The following ADGRD2 variants were observed in gnomAD, a reference collection of about 807,000 sequenced individuals.
The protein encoded by ADGRD2 is G protein-coupled receptor PGR24.
A neutral mutation model predicts 44.4 loss-of-function variants in ADGRD2; 71 were observed. That is an observed-to-expected ratio of 1.60 (90% CI 1.32 to 1.95). The LOEUF is 1.95. Ranked by LOEUF, ADGRD2 falls within the 30% of genes most tolerant of loss-of-function variation. The probability of loss-of-function intolerance (pLI) is 0.00; values close to 1 mark genes in which losing one functional copy is unlikely to be tolerated. For missense variants in ADGRD2, 1,039 were observed against 512.4 expected (o/e 2.03, Z -9.92); for synonymous variants, 481 against 224.8 (o/e 2.14, Z -10.19).
intron 17 of ADGRD2, among the ~76,000 whole-genome samples, chr9:124,472,456 GTTT>G (rs796266562): frequency 3.2e-4 from 7 of 21,632 alleles, no homozygotes; most frequent in East Asian, 3.1e-3. Flanking sequence ...TTGTTTGTTT[GTTT>G]TTTGTTTGTT....
intron 18 of ADGRD2, 34 bp from the exon 22 acceptor site, chr9:124,475,537 G>A (rs1298947827): frequency 1.4e-6 from 1 of 715,974 alleles, no homozygotes; most frequent in Non-Finnish European, 2.6e-6. Context: ...GGGGTAGGGA[G>A]GGTCCCCAGC....
chr9:124,469,328 C>G (rs970412284), exon 15 of ADGRD2: 1 of 718,306 alleles, frequency 1.4e-6, no homozygotes, highest in Non-Finnish European at 2.6e-6. Context: ...TCTGGGCCTT[C>G]GTGGGGCCTG....
chr9:124,472,268 T>C (rs1165648439), intron 17 of ADGRD2, among the ~76,000 whole-genome samples: 1 of 152,172 alleles, frequency 6.6e-6, no homozygotes, highest in Admixed American at 6.5e-5. Context: ...GAATCTTCTC[T>C]GGTTCTGTCT....
At chr9:124,458,079 G>T in intron 8 of ADGRD2, 34 bp from the exon 12 acceptor site, 1 of 717,906 alleles carries the variant, frequency 1.4e-6, no homozygotes, top group South Asian at 1.5e-5. Flanking sequence ...CCCAGCCACC[G>T]GGTGGTGCCT....
intron 10 of ADGRD2, among the ~76,000 whole-genome samples, chr9:124,464,054 G>C (rs537547585): frequency 1.1e-4 from 17 of 151,974 alleles, no homozygotes; most frequent in African/African-American, 4.1e-4. Context: ...TGTCTAGGCT[G>C]GTCTCAAACT....
chr9:124,453,777 C>T (rs987285617), intron 3 of ADGRD2, 101 bp downstream of exon 6: 4 of 631,108 alleles, frequency 6.3e-6, no homozygotes, highest in Non-Finnish European at 1.1e-5. Flanking sequence ...ACGCCTAGCT[C>T]TGGCCACGCC....
At chr9:124,468,455 C>T (rs781437961) in intron 13 of ADGRD2, 64 bp from the exon 17 acceptor site, 11 of 714,928 alleles carry the variant, frequency 1.5e-5, no homozygotes, top group African/African-American at 7.0e-5. Context: ...GGGCATGGGC[C>T]GCGGGGCTGG....
chr9:124,460,066 C>T (rs76395664), intron 10 of ADGRD2, among the ~76,000 whole-genome samples: 7,674 of 144,378 alleles, frequency 0.053, 606 homozygotes, highest in African/African-American at 0.18. Flanking sequence ...GTCTTCTTTG[C>T]TCACAACCAG....
At chr9:124,467,638 C>A in intron 11 of ADGRD2, 83 bp from the exon 15 acceptor site, 1 of 698,334 alleles carries the variant, frequency 1.4e-6, no homozygotes, top group Non-Finnish European at 2.7e-6. Flanking sequence ...GCGTGGGGGG[C>A]CTTAGAGTCA....
intron 17 of ADGRD2, among the ~76,000 whole-genome samples, chr9:124,474,034 G>C (rs992864067): frequency 2.6e-5 from 4 of 152,146 alleles, no homozygotes; most frequent in African/African-American, 9.7e-5. Context: ...CCAGCACTTT[G>C]GGAGGCCGAG....
At chr9:124,460,599 G>C (rs1831710377) in intron 10 of ADGRD2, among the ~76,000 whole-genome samples, 1 of 150,934 alleles carries the variant, frequency 6.6e-6, no homozygotes, top group South Asian at 2.1e-4. Flanking sequence ...AGGTCTCATT[G>C]GTGAGAATCA....
At chr9:124,450,758 C>T (rs937381901), upstream of ADGRD2, among the ~76,000 whole-genome samples, 1 of 152,228 alleles carries the variant, frequency 6.6e-6, no homozygotes, top group South Asian at 2.1e-4. Context: ...CCTCCCAGTC[C>T]TCCGGTGAGG....
At chr9:124,458,386 G>A in intron 9 of ADGRD2, 150 bp downstream of exon 12, 3 of 622,032 alleles carry the variant, frequency 4.8e-6, no homozygotes, top group Non-Finnish European at 5.8e-6. Flanking sequence ...TTCTGCACCT[G>A]CCAGAGGTGA....
At chr9:124,462,360 C>T (rs1441801971) in intron 10 of ADGRD2, among the ~76,000 whole-genome samples, 2 of 152,188 alleles carry the variant, frequency 1.3e-5, no homozygotes, top group African/African-American at 4.8e-5. Context: ...CGAGCTACCA[C>T]ACCCAGCCTT....
At position 124,477,762 on chromosome 9, in the gene ADGRD2, C is replaced by A. The variant is rs539197510; in HGVS notation, c.*19-519C>A. ...CAGAATGGGCTGGAGGCGCCCCCCACAGGCCCGCCCAGGCGCCCCCCGGGG... is the reference window on the plus strand; with the variant it reads ...CAGAATGGGCTGGAGGCGCCCCCCAAAGGCCCGCCCAGGCGCCCCCCGGGG... On this transcript the variant is annotated intron_variant, in intron 21 of 21. Coordinates refer to ENST00000334810, the Ensembl canonical transcript of ADGRD2. Among the ~76,000 whole-genome samples, 233 of 152,202 alleles carry A rather than the reference C, an allele frequency of 1.5e-3. 1 individual carries two copies. The highest frequency in any genetic ancestry group is 0.014 in the Middle Eastern group (4 of 292).
chr9:124,468,445 G>T, intron 13 of ADGRD2, 74 bp from the exon 17 acceptor site: 1 of 713,766 alleles, frequency 1.4e-6, no homozygotes. Flanking sequence ...AGGCCGGGCT[G>T]GGCATGGGCC....
exon 14 of ADGRD2, chr9:124,468,562 T>TGAA (rs2131252164): frequency 1.4e-6 from 1 of 718,644 alleles, no homozygotes; most frequent in South Asian, 1.5e-5. Context: ...TTCCTCTTTC[T>TGAA]GGTGGCATTC....
intron 10 of ADGRD2, among the ~76,000 whole-genome samples, chr9:124,459,619 T>C (rs1831690341): frequency 6.6e-6 from 1 of 152,190 alleles, no homozygotes; most frequent in African/African-American, 2.4e-5. Context: ...ACTGAACATC[T>C]ATAGACTTTT....
At chr9:124,456,578 G>A in intron 6 of ADGRD2, 44 bp from the exon 10 acceptor site, 1 of 716,300 alleles carries the variant, frequency 1.4e-6, no homozygotes, top group South Asian at 1.5e-5. Context: ...GGCGGCAGTG[G>A]GGTGCAGAGT....
Sources: gnomAD v4.1 joint callset for allele counts (sites outside exome capture counted in the v4.1 genomes callset) on GRCh38, gnomAD v4.1.1 for gene constraint, MANE v1.5 for transcripts, NCBI Gene and HGNC (gene_info 2026-07-23, HGNC 2026-07-21) for gene names.